The following CTSH variants were observed in gnomAD, a reference collection of about 807,000 sequenced individuals.
CTSH encodes pro-cathepsin H.
CTSH carries 52 observed loss-of-function variants against 56.3 expected under a neutral mutation model. The observed-to-expected ratio is 0.92, with a 90% CI of 0.74 to 1.16. CTSH has a LOEUF of 1.16. Ranked by LOEUF, CTSH falls within the 50% of genes most tolerant of loss-of-function variation. The pLI is 0.00. For missense variants in CTSH, 406 were observed against 424.5 expected, an observed-to-expected ratio of 0.96 and a Z score of 0.38; for synonymous variants, 174 against 155.7, an observed-to-expected ratio of 1.12 and a Z score of -0.88.
At chr15:78,938,322 G>T (rs1201262475) in intron 2 of CTSH, among the ~76,000 whole-genome samples, 1 of 151,934 alleles carries the variant, frequency 6.6e-6, no homozygotes, top group Admixed American at 6.6e-5. Flanking sequence ...TGAGCCGAGA[G>T]TGTGCCACTG....
At chr15:78,937,011 C>A in intron 3 of CTSH, 1 of 345,728 alleles carries the variant, frequency 2.9e-6, no homozygotes, top group Non-Finnish European at 5.4e-6. Flanking sequence ...AACCCCTACC[C>A]CCCGCAACAA....
intron 8 of CTSH, 126 bp downstream of exon 8, chr15:78,929,286 C>T: frequency 2.6e-6 from 2 of 766,360 alleles, no homozygotes; most frequent in African/African-American, 1.8e-5. Flanking sequence ...TTGGAGAGAA[C>T]AGACAATTGT....
intron 3 of CTSH, among the ~76,000 whole-genome samples, chr15:78,936,185 T>C (rs569124144): frequency 4.2e-4 from 60 of 142,234 alleles, no homozygotes; most frequent in South Asian, 3.9e-3. Context: ...CTTTTCTTTT[T>C]TTTTTTTTTT....
Position 78,925,295 on chromosome 15 carries a change from T to C in CTSH, c.806+39A>G, listed in dbSNP as rs1596269823. 9 of 1,363,318 alleles carry C rather than the reference T, an allele frequency of 6.6e-6. No individual in the cohort carries two copies. In the East Asian group the frequency reaches 2.1e-4, roughly 31 times the overall value. 84.5% of individuals were successfully genotyped at this position (1,363,318 alleles called of 1,614,324 possible). A position where few individuals can be genotyped will look rare whatever the true frequency, so the allele number is the denominator to read the frequency against. On this transcript the variant is annotated intron_variant, in intron 10 of 11. Coordinates refer to ENST00000220166, the MANE Select transcript of CTSH (RefSeq NM_004390.5). Reference sequence around the variant, plus strand: ...GGTGTGAGGAGGCCCACCAAGCCCCTCCCCACTGTCCCTCCTGGCTCCTGG... The same window carrying C: ...GGTGTGAGGAGGCCCACCAAGCCCCCCCCCACTGTCCCTCCTGGCTCCTGG...
At chr15:78,933,724 T>C in intron 5 of CTSH, 1 of 290,872 alleles carries the variant, frequency 3.4e-6, no homozygotes, top group Non-Finnish European at 7.1e-6. Context: ...CTTTGTCACT[T>C]ACTTACCTTG....
At chr15:78,932,337 C>T (rs775340404) in intron 6 of CTSH, 35 bp downstream of exon 6, 1 of 1,591,754 alleles carries the variant, frequency 6.3e-7, no homozygotes, top group South Asian at 1.1e-5. Flanking sequence ...GATGGGGTGT[C>T]CTCCGCAGGG....
intron 5 of CTSH, among the ~76,000 whole-genome samples, chr15:78,933,117 G>A (rs1022049967): frequency 6.6e-6 from 1 of 152,142 alleles, no homozygotes; most frequent in African/African-American, 2.4e-5. Flanking sequence ...CCTTCTAACA[G>A]TTCATTGCCG....
intron 1 of CTSH, among the ~76,000 whole-genome samples, chr15:78,939,785 G>A (rs1395660901): frequency 6.6e-6 from 1 of 152,216 alleles, no homozygotes; most frequent in Non-Finnish European, 1.5e-5. Flanking sequence ...TACTCGGGAG[G>A]CTGAGGAGAA....
chr15:78,928,427 G>A (rs1596274290), intron 8 of CTSH, among the ~76,000 whole-genome samples: 1 of 151,356 alleles, frequency 6.6e-6, no homozygotes, highest in East Asian at 2.0e-4. Context: ...TTAGCTGGGC[G>A]TGGTGGCGGG....
chr15:78,944,988 G>C lies in CTSH; in HGVS notation c.-7C>G, dbSNP rs1212417247. 2 of 1,530,540 alleles carry C rather than the reference G, an allele frequency of 1.3e-6. No homozygotes were observed. The highest frequency in any genetic ancestry group is 1.8e-6 in the Non-Finnish European group (2 of 1,139,770). 94.8% of individuals were successfully genotyped at this position (1,530,540 alleles called of 1,614,324 possible). A position where few individuals can be genotyped will look rare whatever the true frequency, so the allele number is the denominator to read the frequency against. On this transcript the variant is annotated 5_prime_UTR_variant, in exon 1 of 12. Coordinates refer to ENST00000220166, the MANE Select transcript of CTSH (RefSeq NM_004390.5). ...GCGGCAGCGTGGCCCACATCGCAGC[G>C]CTGGCGGCTTGGCTCTTGCGCTCAG...
intron 4 of CTSH, 39 bp downstream of exon 4, chr15:78,935,641 T>C (rs1207285699): frequency 6.5e-7 from 1 of 1,545,682 alleles, no homozygotes; most frequent in Non-Finnish European, 8.9e-7. Flanking sequence ...AAGGTTTCAG[T>C]AAAAGGATTC....
chr15:78,941,671 C>T (rs1474083931), intron 1 of CTSH, among the ~76,000 whole-genome samples: 2 of 151,850 alleles, frequency 1.3e-5, no homozygotes, highest in South Asian at 2.1e-4. Context: ...TGGCGGGCGC[C>T]TGCAGTCCCA....
intron 1 of CTSH, among the ~76,000 whole-genome samples, chr15:78,942,149 C>G (rs2055308169): frequency 6.6e-6 from 1 of 152,020 alleles, no homozygotes; most frequent in South Asian, 2.1e-4. Flanking sequence ...TCTTCGCACT[C>G]CTTTCTGTGC....
chr15:78,923,208 G>A (rs2054815452), intron 10 of CTSH, 90 bp from the exon 11 acceptor site: 2 of 1,470,146 alleles, frequency 1.4e-6, no homozygotes, highest in Non-Finnish European at 1.9e-6. Context: ...GAGCGCTTTA[G>A]AGCAATGTTC....
chr15:78,933,796 G>A (rs543675121), intron 5 of CTSH, among the ~76,000 whole-genome samples: 51 of 152,332 alleles, frequency 3.3e-4, no homozygotes, highest in African/African-American at 1.2e-3. Flanking sequence ...AACTCTCAAG[G>A]AGGGTGCTGA....
intron 1 of CTSH, among the ~76,000 whole-genome samples, chr15:78,942,819 C>G (rs11855530): frequency 0.99 from 151,371 of 152,320 alleles, 75,220 homozygotes; most frequent in South Asian, 1. Context: ...AAATATCTTC[C>G]TGTTTCCCCA....
At position 78,921,773 on chromosome 15, in the gene CTSH, G is replaced by C. The variant is rs147089658; in HGVS notation, c.*357C>G. ...GCCCAGGACCAGCATGCTCCATCTG[G>C]GGAGGTGCTCACTCAATGTTTATTG... is the stretch of plus-strand genomic sequence containing the variant. On this transcript the variant is annotated 3_prime_UTR_variant, in exon 12 of 12. Coordinates refer to ENST00000220166, the MANE Select transcript of CTSH (RefSeq NM_004390.5). 4.5e-6 allele frequency: 1 copy of C among 221,154 alleles called. No homozygotes were observed. The highest frequency in any genetic ancestry group is 9.0e-6 in the Non-Finnish European group (1 of 111,008). The allele number at this position is 221,154 out of a possible 1,614,324, so 13.7% of individuals were successfully genotyped here.
In CTSH at chr15:78,922,647, G is replaced by A. The variant is rs183257496; in HGVS notation, c.932+346C>T. Among the ~76,000 whole-genome samples the A allele has an allele frequency of 1.1e-4, 17 of 152,296 alleles. No homozygotes were observed. In the East Asian group the frequency reaches 2.5e-3, roughly 22 times the overall value. ...AAGGAGGGGCTGTCAGTGATCAGGG[G>A]TACATTTGTTGCTTTGATTTCTCAA... On this transcript the variant is annotated intron_variant, in intron 11 of 11. Coordinates refer to ENST00000220166, the MANE Select transcript of CTSH (RefSeq NM_004390.5).
chr15:78,940,830 G>A (rs1018607866), intron 1 of CTSH, among the ~76,000 whole-genome samples: 1 of 152,094 alleles, frequency 6.6e-6, no homozygotes, highest in African/African-American at 2.4e-5. Flanking sequence ...ATGGTGGCAG[G>A]CGCCTGTAAT....
Sources: gnomAD v4.1 joint callset for allele counts (sites outside exome capture counted in the v4.1 genomes callset) on GRCh38, gnomAD v4.1.1 for gene constraint, MANE v1.5 for transcripts, NCBI Gene and HGNC (gene_info 2026-07-23, HGNC 2026-07-21) for gene names.